The following LRRC4C variants were observed in gnomAD, a reference collection of about 807,000 sequenced individuals.
LRRC4C encodes leucine-rich repeat-containing protein 4C.
A neutral mutation model predicts 33.6 loss-of-function variants in LRRC4C; 5 were observed. The observed-to-expected ratio is 0.15, with a 90% CI of 0.08 to 0.31. The LOEUF is 0.31. Among genes scored for constraint, LRRC4C ranks in the 10% least tolerant of loss-of-function variants. The pLI is 1.00. For missense variants in LRRC4C, 560 were observed against 796.7 expected (o/e 0.70, Z 3.58); for synonymous variants, 329 against 302.0 (o/e 1.09, Z -0.93).
At chr11:40,364,543 C>T (rs1948119896) in intron 3 of LRRC4C, among the ~76,000 whole-genome samples, 1 of 151,822 alleles carries the variant, frequency 6.6e-6, no homozygotes, top group Admixed American at 6.6e-5. Flanking sequence ...ATTAAAAAGA[C>T]TAAAAAAGCA....
chr11:40,694,316 T>C (rs1322383321), intron 2 of LRRC4C, among the ~76,000 whole-genome samples: 1 of 152,142 alleles, frequency 6.6e-6, no homozygotes, highest in Non-Finnish European at 1.5e-5. Context: ...AGAAAATAAA[T>C]AGTGAATAGA....
intron 2 of LRRC4C, among the ~76,000 whole-genome samples, chr11:40,675,938 A>C (rs990049608): frequency 6.6e-6 from 1 of 152,220 alleles, no homozygotes; most frequent in Non-Finnish European, 1.5e-5. Flanking sequence ...GAAAACTCTT[A>C]AGTATAGTAA....
chr11:41,227,471 C>T (rs937810138), intron 1 of LRRC4C, among the ~76,000 whole-genome samples: 6 of 151,888 alleles, frequency 4.0e-5, no homozygotes, highest in Admixed American at 1.3e-4. Context: ...CAAAACACAC[C>T]TGCTCAAAGA....
At chr11:40,315,485 T>C (rs1945531703) in intron 4 of LRRC4C, among the ~76,000 whole-genome samples, 1 of 151,902 alleles carries the variant, frequency 6.6e-6, no homozygotes. Context: ...ATTATTAATG[T>C]CACATTTACA....
intron 1 of LRRC4C, among the ~76,000 whole-genome samples, chr11:41,162,763 G>A (rs1265479591): frequency 6.6e-6 from 1 of 152,178 alleles, no homozygotes; most frequent in Non-Finnish European, 1.5e-5. Context: ...AGTTGCTTTG[G>A]GAGAGCCAGT....
At chr11:40,921,975 G>C (rs1296193618) in intron 2 of LRRC4C, among the ~76,000 whole-genome samples, 1 of 152,092 alleles carries the variant, frequency 6.6e-6, no homozygotes, top group African/African-American at 2.4e-5. Context: ...CCCTCTTCCT[G>C]CCTTCTAAGG....
intron 3 of LRRC4C, among the ~76,000 whole-genome samples, chr11:40,354,799 G>A (rs1436230140): frequency 6.6e-6 from 1 of 152,076 alleles, no homozygotes; most frequent in Admixed American, 6.5e-5. Context: ...TGAACCTGAG[G>A]ACTCCAGGAG....
chr11:40,973,435 A>G (rs1851872196), intron 1 of LRRC4C, among the ~76,000 whole-genome samples: 1 of 152,192 alleles, frequency 6.6e-6, no homozygotes, highest in African/African-American at 2.4e-5. Context: ...AGAAATATGA[A>G]GAGTTTTTCT....
At chr11:40,271,790 G>C (rs1242924320) in intron 4 of LRRC4C, among the ~76,000 whole-genome samples, 3 of 152,106 alleles carry the variant, frequency 2.0e-5, no homozygotes, top group Non-Finnish European at 2.9e-5. Context: ...TGACATCAAT[G>C]GATTCATTTC....
At chr11:40,321,847 T>C (rs1372289324) in intron 3 of LRRC4C, among the ~76,000 whole-genome samples, 1 of 152,208 alleles carries the variant, frequency 6.6e-6, no homozygotes, top group Non-Finnish European at 1.5e-5. Context: ...TGTCTCCTCC[T>C]TCTTTCAATC....
At chr11:41,005,680 T>C (rs1592316130) in intron 1 of LRRC4C, among the ~76,000 whole-genome samples, 1 of 152,260 alleles carries the variant, frequency 6.6e-6, no homozygotes, top group Admixed American at 6.5e-5. Context: ...TCTCGCAATG[T>C]GACCTGCTGG....
intron 1 of LRRC4C, among the ~76,000 whole-genome samples, chr11:41,092,018 G>A (rs1357043919): frequency 6.6e-6 from 1 of 152,074 alleles, no homozygotes; most frequent in Non-Finnish European, 1.5e-5. Flanking sequence ...TATAATTATA[G>A]TAGAAGCCCC....
At chr11:40,414,026 A>T (rs1590659649) in intron 3 of LRRC4C, among the ~76,000 whole-genome samples, 3 of 152,178 alleles carry the variant, frequency 2.0e-5, no homozygotes. Context: ...TAAATACTAG[A>T]TCTAAACACA....
intron 1 of LRRC4C, among the ~76,000 whole-genome samples, chr11:41,406,086 A>C (rs1024672134): frequency 2.9e-5 from 4 of 139,700 alleles, no homozygotes; most frequent in African/African-American, 9.9e-5. Flanking sequence ...GGGAGTAAAA[A>C]GGATGAAAGA....
intron 2 of LRRC4C, among the ~76,000 whole-genome samples, chr11:40,892,295 C>G (rs1955751894): frequency 6.6e-6 from 1 of 152,052 alleles, no homozygotes; most frequent in Admixed American, 6.5e-5. Context: ...AAGCACTATT[C>G]ACAACAGCCA....
At chr11:40,156,106 G>C (rs150903689) in intron 5 of LRRC4C, among the ~76,000 whole-genome samples, 2,028 of 152,166 alleles carry the variant, frequency 0.013, 48 homozygotes, top group African/African-American at 0.045. Context: ...AAAATCACAT[G>C]ATCATCTCAA....
chr11:40,184,587 T>C (rs1012543465), intron 5 of LRRC4C, among the ~76,000 whole-genome samples: 1 of 152,188 alleles, frequency 6.6e-6, no homozygotes, highest in Non-Finnish European at 1.5e-5. Flanking sequence ...GGGAGGTCAT[T>C]GAATTTCTAA....
chr11:40,330,687 T>A (rs1399210490), intron 3 of LRRC4C, among the ~76,000 whole-genome samples: 1 of 152,000 alleles, frequency 6.6e-6, no homozygotes, highest in South Asian at 2.1e-4. Flanking sequence ...TATAAAACCA[T>A]CAGATCTCGT....
chr11:40,706,816 C>T (rs548002515), intron 2 of LRRC4C, among the ~76,000 whole-genome samples: 5 of 152,246 alleles, frequency 3.3e-5, no homozygotes, highest in South Asian at 4.1e-4. Flanking sequence ...GCCATTTTCA[C>T]GATATTGATT....
Sources: allele counts gnomAD v4.1 joint callset (sites outside exome capture counted in the v4.1 genomes callset), GRCh38; gene constraint gnomAD v4.1.1; transcripts MANE v1.5; gene names NCBI Gene and HGNC (gene_info 2026-07-23, HGNC 2026-07-21).